Variants in COQ2 observed in about 807,000 individuals in gnomAD.
The protein encoded by COQ2 is coenzyme Q2, polyprenyltransferase.
In COQ2, 25 loss-of-function variants were observed where a neutral mutation model predicts 35.7. The ratio of observed to expected loss-of-function variants is 0.70; its 90% CI spans 0.51 to 0.98. COQ2 has a LOEUF of 0.98. Among genes scored for constraint, COQ2 ranks in the 50% least tolerant of loss-of-function variants. The pLI, the probability that COQ2 is intolerant of heterozygous loss-of-function variation, is 0.00. For missense variants in COQ2, 488 were observed against 473.5 expected (o/e 1.03, Z -0.28); for synonymous variants, 206 against 186.2 (o/e 1.11, Z -0.86).
At chr4:83,265,005 C>T (rs4693595) in intron 6 of COQ2, among the ~76,000 whole-genome samples, 77,955 of 152,046 alleles carry the variant, frequency 0.51, 24,298 homozygotes, top group East Asian at 0.7. Flanking sequence ...AAATGCCCTC[C>T]CACATTTCTA....
intron 5 of COQ2, among the ~76,000 whole-genome samples, chr4:83,268,303 T>TTTGGCAACCTATCCCTTGC: frequency 6.6e-6 from 1 of 152,204 alleles, no homozygotes; most frequent in East Asian, 1.9e-4. Context: ...GCCTTTCCTA[T>TTTGGCAACCTATCCCTTGC]CAAATCCTGT....
chr4:83,277,735 C>T (rs572324901), intron 2 of COQ2, among the ~76,000 whole-genome samples: 2 of 152,156 alleles, frequency 1.3e-5, no homozygotes, highest in East Asian at 3.9e-4. Context: ...TTTGGGAGGC[C>T]GAGGCAGGTG....
chr4:83,283,160 T>C (rs569274125), intron 1 of COQ2: 3 of 424,756 alleles, frequency 7.1e-6, no homozygotes, highest in Admixed American at 6.4e-5. Flanking sequence ...TATAACTTAG[T>C]GCTCTAATCC....
chr4:83,273,129 T>G (rs1735088192), intron 3 of COQ2, among the ~76,000 whole-genome samples: 1 of 152,184 alleles, frequency 6.6e-6, no homozygotes, highest in Non-Finnish European at 1.5e-5. Context: ...ATATAATCAC[T>G]TCTGCTTTAA....
upstream of COQ2, chr4:83,284,952 A>C (rs774834132): frequency 7.2e-7 from 1 of 1,397,778 alleles, no homozygotes; most frequent in South Asian, 1.5e-5. Context: ...CTTAATGAAA[A>C]AGGGATTTCT....
intron 1 of COQ2, among the ~76,000 whole-genome samples, chr4:83,282,064 G>A (rs866269036): frequency 6.6e-6 from 1 of 151,752 alleles, no homozygotes; most frequent in African/African-American, 2.4e-5. Flanking sequence ...ATTGCAAAAA[G>A]AAATGTTTTT....
chr4:83,284,076 T>G (rs1282652202), intron 1 of COQ2: 1 of 985,346 alleles, frequency 1.0e-6, no homozygotes, highest in Non-Finnish European at 1.2e-6. Context: ...GGATTGTCTT[T>G]GTGGGCCTTA....
chr4:83,283,341 G>A, intron 1 of COQ2: 5 of 985,278 alleles, frequency 5.1e-6, no homozygotes, highest in Non-Finnish European at 6.0e-6. Flanking sequence ...CTTCCTCCAC[G>A]CTATCCAGCT....
intron 2 of COQ2, 119 bp downstream of exon 2, chr4:83,278,829 C>G (rs1735242976): frequency 8.8e-7 from 1 of 1,130,592 alleles, no homozygotes. Flanking sequence ...ATTTTCCATG[C>G]TGGATTTCTG....
chr4:83,273,588 G>T lies in COQ2; in HGVS notation c.450C>A (p.Ala150=). ...ACTGAAAAGTTGAAATGTCTCCAGCGGCTATTGGACGATTGGCTGTTCTTG... is the reference window on the plus strand; with the variant it reads ...ACTGAAAAGTTGAAATGTCTCCAGCTGCTATTGGACGATTGGCTGTTCTTG... ...KVTRTANRPI[A]AGDISTFQSF... is the part of the protein sequence containing the mutation. The change falls in exon 3 of 7, where the codon GCC becomes GCA. Residue 150 remains alanine (A), a synonymous_variant. Transcript: ENST00000647002. 3 of 1,613,414 alleles carry T rather than the reference G, an allele frequency of 1.9e-6. No individual in the cohort carries two copies. Among genetic ancestry groups the T allele is most frequent in the Non-Finnish European group, 2.5e-6 (3 of 1,179,624 alleles).
At chr4:83,268,706 T>A (rs554358485) in intron 5 of COQ2, among the ~76,000 whole-genome samples, 1 of 152,272 alleles carries the variant, frequency 6.6e-6, no homozygotes, top group Non-Finnish European at 1.5e-5. Context: ...AGTACAGGCA[T>A]CTCTTCTAAC....
chr4:83,284,776 G>A lies in COQ2; in HGVS notation c.-12C>T, dbSNP rs1330958123. On this transcript the variant is annotated 5_prime_UTR_variant, in exon 1 of 7. Transcript: ENST00000647002. Reference sequence around the variant, plus strand: ...CGCGAGCCCAGCATGGCGCTGGTGAGGCCGGGACGAGCTCGGATTGACGTC... The same window carrying A: ...CGCGAGCCCAGCATGGCGCTGGTGAAGCCGGGACGAGCTCGGATTGACGTC... The A allele has an allele frequency of 6.4e-6, 10 of 1,561,840 alleles. No individual in the cohort carries two copies. Among genetic ancestry groups the A allele is most frequent in the Admixed American group, 5.5e-5 (3 of 54,212 alleles).
At position 83,272,125 on chromosome 4, in the gene COQ2, A is replaced by G. The variant is rs1233894685; in HGVS notation, c.590T>C (p.Leu197Pro). Reference protein sequence around the residue: ...GSLLLVITYPLMKRISYWPQL... With the variant: ...GSLLLVITYPPMKRISYWPQL... ...AGGCCAGTATGAAATTCTTTTCATT[A>G]GTGGGTAGGTGATGACAAGAAGTAA... Residue 197 changes from leucine (L) to proline (P), a missense_variant, in exon 4 of 7, where the codon CTA becomes CCA. Leu to Pro is a moderately conservative substitution (Grantham distance 98, BLOSUM62 -3). Transcript: ENST00000647002. The G allele has an allele frequency of 6.2e-7, 1 of 1,611,106 alleles. No homozygotes were observed. Among genetic ancestry groups the G allele is most frequent in the Non-Finnish European group, 8.5e-7 (1 of 1,178,636 alleles).
At chr4:83,266,829 C>T (rs770088251) in intron 6 of COQ2, 15 of 198,596 alleles carry the variant, frequency 7.6e-5, no homozygotes, top group Non-Finnish European at 1.4e-4. Flanking sequence ...TGACATGTTC[C>T]GCATTTCATG....
chr4:83,276,819 T>C (rs1159961678), intron 2 of COQ2, among the ~76,000 whole-genome samples: 1 of 152,092 alleles, frequency 6.6e-6, no homozygotes, highest in East Asian at 1.9e-4. Context: ...ATGACTAGAT[T>C]AAAAAATGTG....
In COQ2 at chr4:83,264,165, A is replaced by C. The variant is rs1456100853; in HGVS notation, c.*34T>G. The C allele has an allele frequency of 9.7e-7, 1 of 1,033,084 alleles. No individual in the cohort carries two copies. Among genetic ancestry groups the C allele is most frequent in the Non-Finnish European group, 1.4e-6 (1 of 724,956 alleles). The allele number at this position is 1,033,084 out of a possible 1,614,324, so 64.0% of individuals were successfully genotyped here. The stretch of plus-strand genomic sequence containing the variant: ...TCAAATCTAATTATATTTTGTAAAA[A>C]ATGTTTTAAAAATTCCTAGATAAAT... On this transcript the variant is annotated 3_prime_UTR_variant, in exon 7 of 7. Coordinates refer to ENST00000647002, the MANE Select transcript of COQ2 (RefSeq NM_001358921.2).
intron 4 of COQ2, among the ~76,000 whole-genome samples, chr4:83,270,796 T>C (rs1244471939): frequency 1.3e-5 from 2 of 152,200 alleles, no homozygotes; most frequent in Admixed American, 6.5e-5. Context: ...CAGGGTGTTT[T>C]AGTCATTTTT....
At chr4:83,267,485 A>T in intron 6 of COQ2, 101 bp downstream of exon 6, 1 of 1,084,906 alleles carries the variant, frequency 9.2e-7, no homozygotes, top group Non-Finnish European at 1.3e-6. Flanking sequence ...GTAGTTGTTT[A>T]AGAAGTTCCT....
chr4:83,280,614 C>A (rs2126175862), intron 1 of COQ2, among the ~76,000 whole-genome samples: 1 of 152,274 alleles, frequency 6.6e-6, no homozygotes, highest in Middle Eastern at 3.4e-3. Flanking sequence ...AAGATCAATC[C>A]AACAACAGGA....
Sources: gnomAD v4.1 joint callset for allele counts (sites outside exome capture counted in the v4.1 genomes callset) on GRCh38, gnomAD v4.1.1 for gene constraint, MANE v1.5 for transcripts, NCBI Gene and HGNC (gene_info 2026-07-23, HGNC 2026-07-21) for gene names.